The following JCAD variants were observed in gnomAD, a reference collection of about 807,000 sequenced individuals.
The protein encoded by JCAD is junctional cadherin 5 associated, also known as junctional cadherin 5-associated protein.
Under a neutral mutation model 98.0 loss-of-function variants are expected in JCAD, and 40 were observed. That is an observed-to-expected ratio of 0.41 (90% CI 0.32 to 0.53). The LOEUF (loss-of-function observed/expected upper bound fraction) is 0.53. JCAD is among the 20% of genes least tolerant of loss of function. JCAD has a pLI of 0.31. For synonymous variants in JCAD, 691 were observed against 682.3 expected, an observed-to-expected ratio of 1.01 and a Z score of -0.20; for missense variants, 1,705 against 1,738.1, an observed-to-expected ratio of 0.98 and a Z score of 0.34.
chr10:30,099,837 C>T (rs1201724007), intron 1 of JCAD, among the ~76,000 whole-genome samples: 1 of 152,064 alleles, frequency 6.6e-6, no homozygotes, highest in Admixed American at 6.6e-5. Context: ...CCTCCTCCAC[C>T]CTGACTCATT....
At chr10:30,085,614 AG>A (rs1250854290) in intron 1 of JCAD, among the ~76,000 whole-genome samples, 8 of 152,306 alleles carry the variant, frequency 5.3e-5, no homozygotes, top group Admixed American at 5.2e-4. Context: ...GAGCCAAAAA[AG>A]CGAGAATTGG....
At chr10:30,049,417 C>G (rs909328449) in intron 1 of JCAD, among the ~76,000 whole-genome samples, 2 of 152,180 alleles carry the variant, frequency 1.3e-5, no homozygotes, top group Non-Finnish European at 2.9e-5. Flanking sequence ...TCGGGTCTGT[C>G]GCACAATTCT....
intron 2 of JCAD, among the ~76,000 whole-genome samples, chr10:30,038,447 G>A (rs959308085): frequency 5.9e-5 from 9 of 152,054 alleles, no homozygotes; most frequent in Non-Finnish European, 1.2e-4. Flanking sequence ...ACTTTGAGAC[G>A]CTGAGGTAGG....
In JCAD at chr10:30,087,438, CAAAAATAAAAAT is replaced by C. The variant is rs1564468273; in HGVS notation, n.129-17629_129-17618del. Reference sequence around the variant, plus strand: ...TGGGTGACGGAGAGAGACTCCGTCTCAAAAATAAAAATAAAAGTAAAAATAAAAAATAAAAAA... The same window carrying C: ...TGGGTGACGGAGAGAGACTCCGTCTCAAAAGTAAAAATAAAAAATAAAAAA... On this transcript the variant is annotated intron_variant and non_coding_transcript_variant, in intron 1 of 2. Transcript: ENST00000465712. Among the ~76,000 whole-genome samples the C allele has an allele frequency of 4.6e-5, 7 of 151,820 alleles. No individual in the cohort carries two copies. In the South Asian group the frequency reaches 1.5e-3, roughly 32 times the overall value.
rs190480316 is a variant in JCAD at position 30,050,350 on chromosome 10, A to G, written c.-59-2479T>C. ...AAAAAAAAAAAAAAAAAAGAAAGAA[A>G]GAAAAGAAATTAATGGCTTAGTAAC... On this transcript the variant is annotated intron_variant, in intron 1 of 3. Coordinates refer to ENST00000375377, the MANE Select transcript of JCAD (RefSeq NM_020848.4). 1.3e-3 allele frequency among the ~76,000 whole-genome samples: 196 copies of G among 151,690 alleles called. 3 individuals are homozygous for G. Among genetic ancestry groups the G allele is most frequent in the Admixed American group, 0.012 (176 of 15,218 alleles).
rs773869867 is a variant in JCAD, at chr10:30,047,741, C to A, written c.72G>T (p.Glu24Asp). 1.2e-6 allele frequency: 2 copies of A among 1,614,102 alleles called. No homozygotes were observed. Among genetic ancestry groups the A allele is most frequent in the Admixed American group, 3.3e-5 (2 of 60,010 alleles). Residue 24 changes from glutamate to aspartate, a missense_variant, in exon 2 of 4, where the codon GAG becomes GAT. By Grantham distance (45) the Glu-to-Asp change is conservative (BLOSUM62 2). Transcript: ENST00000375377. ...CTGCCTGGCGCCCCTTGGGGTTATC[C>A]TCGCGTGATGCTGGGGGGTCTCTTG... ...KLSRDPPASR[E>D]DNPKGRQAAR...
intron 1 of JCAD, among the ~76,000 whole-genome samples, chr10:30,115,017 G>A (rs1238401713): frequency 6.6e-6 from 1 of 152,190 alleles, no homozygotes; most frequent in East Asian, 1.9e-4. Flanking sequence ...TTCTGTATGA[G>A]CTGGTCACGT....
At position 30,029,063 on chromosome 10, in the gene JCAD, A is replaced by C; in HGVS notation, c.1085T>G (p.Val362Gly). 1 of 1,614,066 alleles carries C rather than the reference A, an allele frequency of 6.2e-7. No individual in the cohort carries two copies. Among genetic ancestry groups the C allele is most frequent in the South Asian group, 1.1e-5 (1 of 91,058 alleles). Residue 362 changes from valine (V) to glycine (G), a missense_variant, in exon 3 of 4, where the codon GTG (valine) becomes GGG (glycine). Coordinates refer to ENST00000375377, the MANE Select transcript of JCAD (RefSeq NM_020848.4). The part of the protein sequence containing the change: ...NIPNPYLEDT[V>G]PINVCGGHSQ... ...GTGACCGCCACACACATTTATGGGC[A>C]CCGTGTCTTCCAAGTAGGGGTTTGG...
intron 1 of JCAD, among the ~76,000 whole-genome samples, chr10:30,053,168 G>A (rs562133644): frequency 3.3e-5 from 5 of 152,094 alleles, no homozygotes; most frequent in African/African-American, 7.2e-5. Flanking sequence ...TGTTGGTAAG[G>A]GCATGAGGAG....
Position 30,017,914 on chromosome 10 carries a change from G to C in JCAD, c.4049C>G (p.Ser1350Cys). 1 of 1,610,694 alleles carries C rather than the reference G, an allele frequency of 6.2e-7. No individual in the cohort carries two copies. Among genetic ancestry groups the C allele is most frequent in the Non-Finnish European group, 8.5e-7 (1 of 1,178,122 alleles). ...SMDQDFWCPD[S>C]YDPSRVERV ...CCTCTCCACTCTGCTAGGGTCATAG[G>C]AATCTGTAAAATAAGAAAAGAAAAG... Residue 1350 changes from serine to cysteine, a missense_variant, in exon 4 of 4, where the codon TCC (serine) becomes TGC (cysteine). Ser to Cys is a moderately radical substitution (Grantham distance 112, BLOSUM62 -1). Coordinates refer to ENST00000375377, the MANE Select transcript of JCAD (RefSeq NM_020848.4).
chr10:30,075,590 C>G (rs1300724681), intron 1 of JCAD, among the ~76,000 whole-genome samples: 1 of 152,212 alleles, frequency 6.6e-6, no homozygotes, highest in East Asian at 1.9e-4. Context: ...CCTTTCTTAA[C>G]CCACCCTGGG....
At chr10:30,111,458 C>T (rs1445849992) in intron 1 of JCAD, among the ~76,000 whole-genome samples, 1 of 152,158 alleles carries the variant, frequency 6.6e-6, no homozygotes, top group African/African-American at 2.4e-5. Context: ...TCTGCAAATA[C>T]ATATTGAGTT....
At chr10:30,068,515 AT>A (rs1426329068) in intron 2 of JCAD, among the ~76,000 whole-genome samples, 12 of 151,728 alleles carry the variant, frequency 7.9e-5, no homozygotes, top group African/African-American at 2.9e-4. Context: ...GCAGTACTGC[AT>A]TTATCAGGGC....
intron 1 of JCAD, among the ~76,000 whole-genome samples, chr10:30,103,876 C>G (rs913505117): frequency 6.6e-6 from 1 of 151,934 alleles, no homozygotes; most frequent in Non-Finnish European, 1.5e-5. Context: ...GGATTACAGG[C>G]ATGCACCATC....
Position 30,058,611 on chromosome 10 carries a change from T to C in JCAD, c.-60+871A>G, listed in dbSNP as rs559432244. Among the ~76,000 whole-genome samples the C allele has an allele frequency of 2.0e-5, 3 of 152,300 alleles. No homozygotes were observed. In the East Asian group the frequency reaches 5.8e-4, roughly 29 times the overall value. ...AGCGAGAGGGGCGCTTTTTAGCAGC[T>C]AGTGCTGGGCCCCACTGTGGCCAGG... On this transcript the variant is annotated intron_variant, in intron 1 of 3. Transcript: ENST00000375377.
chr10:30,028,063 GA>G lies in JCAD; in HGVS notation c.2084del (p.Phe695SerfsTer24). ...GCTGCGAACTTTGGGGCTCCTCGGAGAAACTGGTTTGTGTTTGCTGATCTCT... is the reference window on the plus strand; with the variant it reads ...GCTGCGAACTTTGGGGCTCCTCGGAGAACTGGTTTGTGTTTGCTGATCTCT... The part of the protein sequence containing the change: ...RYRDQQTQTS[F>X]SEEPQSSQLL... On this transcript the variant is annotated frameshift_variant, in exon 3 of 4. Transcript: ENST00000375377. LOFTEE classifies it high-confidence loss of function. 1 of 1,614,276 alleles carries G rather than the reference GA, an allele frequency of 6.2e-7. No homozygotes were observed. Among genetic ancestry groups the G allele is most frequent in the Non-Finnish European group, 8.5e-7 (1 of 1,180,050 alleles).
chr10:30,055,922 T>C (rs1459623436), intron 1 of JCAD, among the ~76,000 whole-genome samples: 1 of 152,000 alleles, frequency 6.6e-6, no homozygotes, highest in Non-Finnish European at 1.5e-5. Flanking sequence ...TTTCCACAAC[T>C]AATGTGAACA....
intron 1 of JCAD, among the ~76,000 whole-genome samples, chr10:30,114,481 A>G (rs908856321): frequency 5.3e-5 from 8 of 151,396 alleles, no homozygotes; most frequent in African/African-American, 1.7e-4. Flanking sequence ...AGAGTTATGG[A>G]TTGGCAAACT....
chr10:30,025,939 G>T, intron 3 of JCAD, 164 bp downstream of exon 3: 1 of 793,028 alleles, frequency 1.3e-6, no homozygotes, highest in Non-Finnish European at 2.0e-6. Flanking sequence ...GATGGCTTCT[G>T]GATAATTCTT....
Sources: gnomAD v4.1 joint callset for allele counts (sites outside exome capture counted in the v4.1 genomes callset) on GRCh38, gnomAD v4.1.1 for gene constraint, MANE v1.5 for transcripts, NCBI Gene and HGNC (gene_info 2026-07-23, HGNC 2026-07-21) for gene names.